KIAA1549L: variants seen among roughly 807,000 people sequenced by gnomAD.
KIAA1549L encodes UPF0606 protein KIAA1549L.
A neutral mutation model predicts 160.7 loss-of-function variants in KIAA1549L; 88 were observed. The observed-to-expected ratio is 0.55, with a 90% CI of 0.46 to 0.65. The LOEUF (loss-of-function observed/expected upper bound fraction) is 0.65, where lower values mean the gene tolerates loss of function less well. Ranked by LOEUF, KIAA1549L falls within the 30% of genes least tolerant of loss-of-function variation. KIAA1549L has a pLI of 0.00. For synonymous variants in KIAA1549L, 950 were observed against 976.7 expected (o/e 0.97, Z 0.51); for missense variants, 2,258 against 2,437.5 (o/e 0.93, Z 1.55).
At chr11:33,478,069 G>C (rs1852327388) in intron 1 of KIAA1549L, among the ~76,000 whole-genome samples, 1 of 152,238 alleles carries the variant, frequency 6.6e-6, no homozygotes, top group African/African-American at 2.4e-5. Flanking sequence ...AAAGGGAAAG[G>C]CTTGAGTGTT....
At chr11:33,564,459 G>T (rs1854980810) in intron 8 of KIAA1549L, among the ~76,000 whole-genome samples, 1 of 152,184 alleles carries the variant, frequency 6.6e-6, no homozygotes, top group Admixed American at 6.5e-5. Context: ...TCAGAGGGTG[G>T]GTCCCTTCTT....
chr11:33,498,589 A>C (rs1272118574), intron 1 of KIAA1549L, among the ~76,000 whole-genome samples: 2 of 152,192 alleles, frequency 1.3e-5, no homozygotes, highest in African/African-American at 4.8e-5. Context: ...ATGGCAGCCG[A>C]CTTCATCCCA....
At chr11:33,420,218 C>A (rs1281194852) in intron 1 of KIAA1549L, among the ~76,000 whole-genome samples, 2 of 139,032 alleles carry the variant, frequency 1.4e-5, no homozygotes, top group African/African-American at 5.3e-5. Context: ...TGGTTTGTAT[C>A]TCAAAGTTTT....
chr11:33,591,563 A>G (rs962197441), intron 12 of KIAA1549L, 142 bp downstream of exon 12: 1 of 685,724 alleles, frequency 1.5e-6, no homozygotes, highest in African/African-American at 1.8e-5. Context: ...AAAAGAGACT[A>G]AAGGAGATGA....
intron 1 of KIAA1549L, among the ~76,000 whole-genome samples, chr11:33,502,328 C>A (rs1182284722): frequency 6.6e-6 from 1 of 152,112 alleles, no homozygotes; most frequent in Non-Finnish European, 1.5e-5. Context: ...GGAGAGAGAC[C>A]GAATGCCAGT....
chr11:33,471,038 T>G (rs1329049990), intron 1 of KIAA1549L, among the ~76,000 whole-genome samples: 2 of 151,974 alleles, frequency 1.3e-5, no homozygotes, highest in Non-Finnish European at 2.9e-5. Flanking sequence ...CCAGGCTGGT[T>G]TCAAACTCCT....
chr11:33,456,935 A>G (rs1851836599), intron 1 of KIAA1549L, among the ~76,000 whole-genome samples: 1 of 152,268 alleles, frequency 6.6e-6, no homozygotes. Flanking sequence ...TCATCTCCAC[A>G]TTTTGCTCCC....
In KIAA1549L at chr11:33,490,042, A is replaced by T. The variant is rs1852621560; in HGVS notation, c.239-51760A>T. On this transcript the variant is annotated intron_variant, in intron 1 of 20. Transcript: ENST00000658780. ...GAAATTAGGTGACTCACCCAAGGTTATACAGATTGATGGTAAATGGGAAGG... is the reference window on the plus strand; with the variant it reads ...GAAATTAGGTGACTCACCCAAGGTTTTACAGATTGATGGTAAATGGGAAGG... Among the ~76,000 whole-genome samples, 3 of 152,142 alleles carry T rather than the reference A, an allele frequency of 2.0e-5. No individual in the cohort carries two copies. In the South Asian group the frequency reaches 6.2e-4, roughly 31 times the overall value.
At chr11:33,524,476 T>G (rs1853567837) in intron 1 of KIAA1549L, among the ~76,000 whole-genome samples, 1 of 150,876 alleles carries the variant, frequency 6.6e-6, no homozygotes, top group East Asian at 1.9e-4. Flanking sequence ...TAGTTCCAGC[T>G]TTTATTTTTA....
chr11:33,574,522 G>C (rs1855377121), intron 9 of KIAA1549L, among the ~76,000 whole-genome samples, 180 bp from the exon 10 acceptor site: 1 of 152,164 alleles, frequency 6.6e-6, no homozygotes. Flanking sequence ...TCTCCTCCCA[G>C]TCTCCTGCTC....
At position 33,542,943 on chromosome 11, in the gene KIAA1549L, C is replaced by T. The variant is rs572391005; in HGVS notation, c.1380C>T (p.Pro460=). ...CAGCTCCAGAGAATTCCAGAGGGCC[C>T]GCCCTTTCGGCAGAACACACCTCTT... The part of the protein sequence containing the change: ...LSAAPENSRG[P]ALSAEHTSSL... Residue 460 remains proline (P), a synonymous_variant, in exon 2 of 21, where the codon CCC becomes CCT. Transcript: ENST00000658780. 1.7e-4 allele frequency: 280 copies of T among 1,614,054 alleles called. 5 individuals carry two copies. In the South Asian group the frequency reaches 2.8e-3, roughly 16 times the overall value.
At chr11:33,466,537 A>G (rs1050362541) in intron 1 of KIAA1549L, among the ~76,000 whole-genome samples, 1 of 152,206 alleles carries the variant, frequency 6.6e-6, no homozygotes, top group African/African-American at 2.4e-5. Context: ...AAACTAGTTC[A>G]ACCATTGTGG....
chr11:33,406,915 T>C (rs1850668247), intron 1 of KIAA1549L, among the ~76,000 whole-genome samples: 1 of 152,138 alleles, frequency 6.6e-6, no homozygotes, highest in South Asian at 2.1e-4. Flanking sequence ...TGCCTGCTGC[T>C]GGAGGTGTAA....
chr11:33,398,681 C>T (rs1193942872), intron 1 of KIAA1549L, among the ~76,000 whole-genome samples: 1 of 152,196 alleles, frequency 6.6e-6, no homozygotes, highest in East Asian at 1.9e-4. Flanking sequence ...AGAAAAATCG[C>T]CCATAGCCCC....
chr11:33,496,089 G>A (rs543706189), intron 1 of KIAA1549L, among the ~76,000 whole-genome samples: 84 of 152,130 alleles, frequency 5.5e-4, no homozygotes, highest in African/African-American at 1.9e-3. Flanking sequence ...TCAGCCTCCC[G>A]AGTAGCTGGG....
At chr11:33,465,563 A>C (rs928482808) in intron 1 of KIAA1549L, among the ~76,000 whole-genome samples, 9 of 152,098 alleles carry the variant, frequency 5.9e-5, no homozygotes, top group Non-Finnish European at 1.2e-4. Flanking sequence ...TTATTCATTG[A>C]GTGGGTGGAT....
At chr11:33,575,742 G>A (rs1333383061) in intron 10 of KIAA1549L, among the ~76,000 whole-genome samples, 2 of 152,206 alleles carry the variant, frequency 1.3e-5, no homozygotes, top group East Asian at 3.9e-4. Flanking sequence ...AAGAATGGAG[G>A]TGAAAAGTAC....
intron 1 of KIAA1549L, among the ~76,000 whole-genome samples, chr11:33,462,951 C>T (rs745913387): frequency 1.2e-4 from 18 of 151,968 alleles, no homozygotes; most frequent in Non-Finnish European, 2.4e-4. Flanking sequence ...CTCTGCCTCC[C>T]GAGTAGCCAG....
intron 1 of KIAA1549L, among the ~76,000 whole-genome samples, chr11:33,425,651 T>A (rs1277002568): frequency 6.6e-6 from 1 of 152,238 alleles, no homozygotes; most frequent in Admixed American, 6.5e-5. Flanking sequence ...TTGCTGTACG[T>A]AGATGAAAAC....
Sources: gnomAD v4.1 joint callset for allele counts (sites outside exome capture counted in the v4.1 genomes callset) on GRCh38, gnomAD v4.1.1 for gene constraint, MANE v1.5 for transcripts, NCBI Gene and HGNC (gene_info 2026-07-23, HGNC 2026-07-21) for gene names.